The following OPCML variants were observed in gnomAD, a reference collection of about 807,000 sequenced individuals.
OPCML encodes opioid binding protein/cell adhesion molecule like.
Under a neutral mutation model 37.8 loss-of-function variants are expected in OPCML, and 13 were observed. The observed-to-expected ratio is 0.34, with a 90% CI of 0.22 to 0.55. The LOEUF is 0.55. Among genes scored for constraint, OPCML ranks in the 20% least tolerant of loss-of-function variants. The pLI, the probability that OPCML is intolerant of heterozygous loss-of-function variation, is 0.91. For missense variants in OPCML, 341 were observed against 435.6 expected, an observed-to-expected ratio of 0.78 and a Z score of 1.93; for synonymous variants, 176 against 168.8, an observed-to-expected ratio of 1.04 and a Z score of -0.33.
chr11:133,183,040 T>C (rs1937909159), intron 1 of OPCML, among the ~76,000 whole-genome samples: 2 of 152,184 alleles, frequency 1.3e-5, no homozygotes, highest in South Asian at 2.1e-4. Context: ...GTGGAGGTTA[T>C]ATATGGTGCT....
chr11:132,679,955 G>A (rs1263537372), intron 2 of OPCML, among the ~76,000 whole-genome samples: 1 of 152,152 alleles, frequency 6.6e-6, no homozygotes, highest in Non-Finnish European at 1.5e-5. Context: ...CTCAAAGAAG[G>A]ACTTTTTAGT....
intron 1 of OPCML, among the ~76,000 whole-genome samples, chr11:133,140,573 GAAGA>G (rs1261872776): frequency 3.9e-4 from 56 of 141,920 alleles, no homozygotes; most frequent in Non-Finnish European, 7.5e-4. Context: ...AGAAGAAGAA[GAAGA>G]AAGAAGAAAA....
intron 1 of OPCML, among the ~76,000 whole-genome samples, chr11:133,191,995 G>C (rs1335191660): frequency 1.3e-5 from 2 of 152,134 alleles, no homozygotes; most frequent in African/African-American, 4.8e-5. Context: ...GCTGTTTTTA[G>C]TTCTGAGACA....
At chr11:132,951,583 T>C (rs7929219) in intron 1 of OPCML, among the ~76,000 whole-genome samples, 3,953 of 152,322 alleles carry the variant, frequency 0.026, 161 homozygotes, top group African/African-American at 0.087. Flanking sequence ...AGTGAAATAC[T>C]GCATGTAAAA....
intron 2 of OPCML, among the ~76,000 whole-genome samples, chr11:132,680,599 CG>C (rs1206836757): frequency 1.2e-4 from 18 of 152,186 alleles, no homozygotes; most frequent in Admixed American, 1.0e-3. Flanking sequence ...GGGGCGGCTG[CG>C]GCCACGCTAC....
At chr11:133,497,516 G>A (rs1440400792) in intron 1 of OPCML, among the ~76,000 whole-genome samples, 3 of 152,042 alleles carry the variant, frequency 2.0e-5, no homozygotes, top group Non-Finnish European at 2.9e-5. Flanking sequence ...TATTTTAGGA[G>A]CTTTGATTCT....
chr11:132,902,661 C>G (rs1944102570), intron 2 of OPCML, among the ~76,000 whole-genome samples: 1 of 152,164 alleles, frequency 6.6e-6, no homozygotes, highest in South Asian at 2.1e-4. Flanking sequence ...GAAGCAGCCT[C>G]ATAATCAGGA....
At chr11:133,426,804 C>T (rs1272811462) in intron 1 of OPCML, among the ~76,000 whole-genome samples, 2 of 152,128 alleles carry the variant, frequency 1.3e-5, no homozygotes, top group Non-Finnish European at 2.9e-5. Context: ...CCGCCATTTT[C>T]ACATTCCCCA....
chr11:133,460,791 A>G (rs956725973), intron 1 of OPCML, among the ~76,000 whole-genome samples: 3 of 151,972 alleles, frequency 2.0e-5, no homozygotes, highest in Non-Finnish European at 4.4e-5. Context: ...AACCGTTCCA[A>G]AAAATTGAAG....
intron 4 of OPCML, among the ~76,000 whole-genome samples, chr11:132,484,438 G>A (rs2096192539): frequency 6.6e-6 from 1 of 152,200 alleles, no homozygotes. Context: ...GAGAGCTTGT[G>A]GAGAAATAGG....
chr11:132,435,988 A>G, intron 7 of OPCML, 98 bp downstream of exon 7: 1 of 1,284,770 alleles, frequency 7.8e-7, no homozygotes, highest in Non-Finnish European at 1.1e-6. Flanking sequence ...AGTAGGATGG[A>G]TGGACACAGG....
chr11:132,696,301 C>T (rs2135906583), intron 2 of OPCML, among the ~76,000 whole-genome samples: 1 of 152,236 alleles, frequency 6.6e-6, no homozygotes, highest in East Asian at 1.9e-4. Flanking sequence ...TTTACAACAT[C>T]ACAGAAAGCC....
chr11:133,005,310 T>TC (rs1947088315), intron 1 of OPCML: 3 of 985,208 alleles, frequency 3.0e-6, no homozygotes, highest in Non-Finnish European at 3.6e-6. Flanking sequence ...CTAGATCCAT[T>TC]CCCCCACATT....
chr11:132,441,158 C>CTTTTTTTTT lies in OPCML; in HGVS notation c.506-3800_506-3799insAAAAAAAAA, dbSNP rs749099654. On this transcript the variant is annotated intron_variant, in intron 4 of 7. Coordinates refer to ENST00000524381, the MANE Select transcript of OPCML (RefSeq NM_001012393.5). ...ATTCTGAAGATGTGTTCACCAAGGA[C>CTTTTTTTTT]TTTTTTGTTTTTTTTTTTTTTTTTT... 1.3e-4 allele frequency among the ~76,000 whole-genome samples: 14 copies of CTTTTTTTTT among 108,046 alleles called. 1 individual carries two copies. Among genetic ancestry groups the CTTTTTTTTT allele is most frequent in the African/African-American group, 2.6e-4 (6 of 22,732 alleles). 70.9% of individuals were successfully genotyped at this position (108,046 alleles called of 152,430 possible).
intron 1 of OPCML, among the ~76,000 whole-genome samples, chr11:133,384,367 A>G (rs1392519434): frequency 6.6e-6 from 1 of 151,982 alleles, no homozygotes; most frequent in Admixed American, 6.6e-5. Flanking sequence ...TCCAAGCTAC[A>G]GGTCAGAGGA....
chr11:132,460,647 C>T (rs1442278980), intron 4 of OPCML, among the ~76,000 whole-genome samples: 3 of 152,162 alleles, frequency 2.0e-5, no homozygotes, highest in Non-Finnish European at 2.9e-5. Flanking sequence ...AAAAGCATAG[C>T]GACTTGGGGC....
At chr11:132,842,157 T>A (rs1244846188) in intron 2 of OPCML, among the ~76,000 whole-genome samples, 1 of 152,166 alleles carries the variant, frequency 6.6e-6, no homozygotes, top group Non-Finnish European at 1.5e-5. Flanking sequence ...TGTAAATGTG[T>A]GTTTCTGTAA....
intron 1 of OPCML, among the ~76,000 whole-genome samples, chr11:133,010,365 C>G (rs1947192459): frequency 6.6e-6 from 1 of 152,180 alleles, no homozygotes. Context: ...AATGGGTGAA[C>G]AAATGAATGT....
chr11:132,436,892 T>C, intron 5 of OPCML, 113 bp from the exon 6 acceptor site: 3 of 1,482,938 alleles, frequency 2.0e-6, no homozygotes, highest in South Asian at 2.7e-5. Context: ...AATGGATTTC[T>C]TGTGACAACC....
Sources: allele counts gnomAD v4.1 joint callset (sites outside exome capture counted in the v4.1 genomes callset), GRCh38; gene constraint gnomAD v4.1.1; transcripts MANE v1.5; gene names NCBI Gene and HGNC (gene_info 2026-07-23, HGNC 2026-07-21).